BCAP29: variants seen among roughly 807,000 people sequenced by gnomAD.
The protein encoded by BCAP29 is B-cell receptor-associated protein 29.
Under a neutral mutation model 31.8 loss-of-function variants are expected in BCAP29, and 34 were observed. That is an observed-to-expected ratio of 1.07 (90% CI 0.81 to 1.42). The LOEUF is 1.42. Among genes scored for constraint, BCAP29 ranks in the 40% most tolerant of loss-of-function variants. The pLI, the probability that BCAP29 is intolerant of heterozygous loss-of-function variation, is 0.00. For missense variants in BCAP29, 314 were observed against 269.2 expected (o/e 1.17, Z -1.16); for synonymous variants, 104 against 91.3 (o/e 1.14, Z -0.79).
intron 3 of BCAP29, among the ~76,000 whole-genome samples, chr7:107,587,116 T>C (rs1203357277): frequency 2.0e-5 from 3 of 152,192 alleles, no homozygotes; most frequent in Non-Finnish European, 4.4e-5. Flanking sequence ...TGCATGTGTG[T>C]GTATTTTAGG....
chr7:107,605,316 G>A (rs1311080657), intron 6 of BCAP29, among the ~76,000 whole-genome samples: 1 of 152,092 alleles, frequency 6.6e-6, no homozygotes, highest in Non-Finnish European at 1.5e-5. Flanking sequence ...CTCCACAGAG[G>A]GACATTAAAG....
At chr7:107,616,507 A>C (rs777869676) in intron 7 of BCAP29, 4 of 152,204 alleles carry the variant, frequency 2.6e-5, no homozygotes, top group Non-Finnish European at 5.9e-5. Context: ...GACTCATTTG[A>C]CATCTATGCT....
At chr7:107,601,207 T>C (rs1811117809) in intron 6 of BCAP29, among the ~76,000 whole-genome samples, 1 of 152,172 alleles carries the variant, frequency 6.6e-6, no homozygotes, top group Non-Finnish European at 1.5e-5. Context: ...CCAAGAAAAC[T>C]CAGTGTAAGT....
At chr7:107,599,397 A>G (rs956488922) in intron 5 of BCAP29, among the ~76,000 whole-genome samples, 10 of 143,724 alleles carry the variant, frequency 7.0e-5, no homozygotes, top group African/African-American at 2.3e-4. Context: ...GCACACGCCT[A>G]TAGTCTCAGC....
intron 6 of BCAP29, among the ~76,000 whole-genome samples, chr7:107,601,516 T>C (rs1811173997): frequency 6.6e-6 from 1 of 152,166 alleles, no homozygotes; most frequent in Non-Finnish European, 1.5e-5. Context: ...AAAAAATAAA[T>C]TACCCTTATA....
chr7:107,593,011 C>G (rs1809157592), intron 3 of BCAP29, among the ~76,000 whole-genome samples: 1 of 152,112 alleles, frequency 6.6e-6, no homozygotes, highest in African/African-American at 2.4e-5. Context: ...TGTGAATATA[C>G]TAAAAACTAC....
At chr7:107,589,489 C>T (rs890684491) in intron 3 of BCAP29, among the ~76,000 whole-genome samples, 2 of 152,168 alleles carry the variant, frequency 1.3e-5, no homozygotes, top group African/African-American at 4.8e-5. Flanking sequence ...GGCTTCCACT[C>T]CTATGAGAAT....
chr7:107,612,731 C>A (rs561416826), intron 6 of BCAP29, among the ~76,000 whole-genome samples: 2 of 151,940 alleles, frequency 1.3e-5, no homozygotes, highest in Admixed American at 6.6e-5. Context: ...GGATGCATGA[C>A]CTGAATTTAT....
intron 6 of BCAP29, among the ~76,000 whole-genome samples, chr7:107,600,764 C>T (rs2129256977): frequency 6.6e-6 from 1 of 152,342 alleles, no homozygotes; most frequent in East Asian, 1.9e-4. Context: ...AGCAAAAGAG[C>T]TGTGTTCCTA....
At position 107,594,101 on chromosome 7, in the gene BCAP29, T is replaced by C; in HGVS notation, c.340T>C (p.Trp114Arg). 3.1e-6 allele frequency: 5 copies of C among 1,604,874 alleles called. No homozygotes were observed. The highest frequency in any genetic ancestry group is 4.3e-6 in the Non-Finnish European group (5 of 1,174,244). Reference protein sequence around the residue: ...LYISGFSLFFWLVLRRLVTLI... With the variant: ...LYISGFSLFFRLVLRRLVTLI... ...CATTTCTGGATTTTCCCTATTTTTT[T>C]GGCTGTAAGTAAAAAATAATAATAG... Residue 114 changes from tryptophan (W) to arginine (R), a missense_variant, in exon 4 of 8, where the codon TGG becomes CGG. Physicochemically the swap from Trp to Arg is moderately radical, Grantham distance 101 (BLOSUM62 -3). Transcript: ENST00000005259.
intron 2 of BCAP29, among the ~76,000 whole-genome samples, chr7:107,582,274 C>T (rs971966028): frequency 3.9e-5 from 6 of 152,098 alleles, no homozygotes; most frequent in African/African-American, 1.4e-4. Context: ...AAATTTTACC[C>T]ATCCTGATCA....
At chr7:107,602,707 C>G (rs1811371886) in intron 6 of BCAP29, among the ~76,000 whole-genome samples, 2 of 151,996 alleles carry the variant, frequency 1.3e-5, no homozygotes, top group South Asian at 4.2e-4. Context: ...CTAGTTAGCC[C>G]CAAATTTAAA....
At chr7:107,613,507 T>A in intron 7 of BCAP29, 75 bp downstream of exon 7, 1 of 1,351,946 alleles carries the variant, frequency 7.4e-7, no homozygotes, top group Non-Finnish European at 1.0e-6. Context: ...TTGGGTTATT[T>A]GTCCTTAACT....
intron 6 of BCAP29, among the ~76,000 whole-genome samples, chr7:107,602,708 C>A (rs1811372382): frequency 6.6e-6 from 1 of 151,948 alleles, no homozygotes; most frequent in Non-Finnish European, 1.5e-5. Flanking sequence ...TAGTTAGCCC[C>A]AAATTTAAAA....
intron 3 of BCAP29, among the ~76,000 whole-genome samples, chr7:107,586,347 C>A (rs73189572): frequency 0.044 from 6,737 of 152,206 alleles, 178 homozygotes; most frequent in Middle Eastern, 0.071. Context: ...GTTATCTACT[C>A]CTCATCTCCT....
At chr7:107,605,784 A>G (rs759322492) in intron 6 of BCAP29, among the ~76,000 whole-genome samples, 37 of 152,196 alleles carry the variant, frequency 2.4e-4, no homozygotes, top group Non-Finnish European at 4.6e-4. Context: ...ACAATCCTTC[A>G]TGGTAAATAC....
chr7:107,608,212 A>T (rs1413480569), intron 6 of BCAP29, among the ~76,000 whole-genome samples: 2 of 152,028 alleles, frequency 1.3e-5, no homozygotes, highest in African/African-American at 2.4e-5. Flanking sequence ...AAAAAAAAAA[A>T]ATAAGAAAGG....
intron 7 of BCAP29, among the ~76,000 whole-genome samples, chr7:107,616,612 A>G (rs1404559808): frequency 6.6e-6 from 1 of 152,202 alleles, no homozygotes; most frequent in African/African-American, 2.4e-5. Context: ...TTTATAATCA[A>G]GAATGCTATT....
intron 6 of BCAP29, 57 bp from the exon 7 acceptor site, chr7:107,613,275 T>C (rs1813557563): frequency 1.5e-6 from 2 of 1,358,272 alleles, no homozygotes; most frequent in Non-Finnish European, 2.1e-6. Flanking sequence ...CCTTGTAACT[T>C]TTCTATAAAT....
Sources: allele counts gnomAD v4.1 joint callset (sites outside exome capture counted in the v4.1 genomes callset), GRCh38; gene constraint gnomAD v4.1.1; transcripts MANE v1.5; gene names NCBI Gene and HGNC (gene_info 2026-07-23, HGNC 2026-07-21).